ILDR1: variants seen among roughly 807,000 people sequenced by gnomAD.
The protein encoded by ILDR1 is immunoglobulin like domain containing receptor 1, also known as immunoglobulin-like domain-containing receptor 1.
Under a neutral mutation model 62.4 loss-of-function variants are expected in ILDR1, and 56 were observed. The ratio of observed to expected loss-of-function variants is 0.90; its 90% CI spans 0.72 to 1.12. The LOEUF (loss-of-function observed/expected upper bound fraction) is 1.12, where lower values mean the gene tolerates loss of function less well. Ranked by LOEUF, ILDR1 falls within the 50% of genes most tolerant of loss-of-function variation. ILDR1 has a pLI of 0.00. For synonymous variants in ILDR1, 284 were observed against 277.8 expected (o/e 1.02, Z -0.22); for missense variants, 736 against 710.6 (o/e 1.04, Z -0.41).
intron 7 of ILDR1, among the ~76,000 whole-genome samples, chr3:121,991,560 G>A (rs1187778841): frequency 6.6e-6 from 1 of 152,244 alleles, no homozygotes; most frequent in Non-Finnish European, 1.5e-5. Context: ...GGGTTGTTGT[G>A]AGGATTAAGT....
rs1011887969 is a variant in ILDR1, at chr3:121,994,414, C to T, written c.647-101G>A. The T allele has an allele frequency of 8.9e-6, 12 of 1,342,968 alleles. No homozygotes were observed. In the Admixed American group the frequency reaches 2.2e-4, roughly 24 times the overall value. 83.2% of individuals were successfully genotyped at this position (1,342,968 alleles called of 1,614,324 possible). On this transcript the variant is annotated intron_variant, in intron 5 of 7. Transcript: ENST00000344209. ...TAGGGGCCTTGCAAGAGGCCAGCTT[C>T]TCTTGTCCATTCTCACCTATTTTGC...
chr3:122,036,255 C>A, the ILDR1 span, among the ~76,000 whole-genome samples: 1 of 152,094 alleles, frequency 6.6e-6, no homozygotes, highest in Non-Finnish European at 1.5e-5. Flanking sequence ...CATTCATATG[C>A]ATGAATAAAG....
chr3:122,005,202 T>TACCCCCCC, intron 3 of ILDR1, 42 bp downstream of exon 3: 5 of 1,216,406 alleles, frequency 4.1e-6, no homozygotes, highest in Non-Finnish European at 3.6e-6. Flanking sequence ...TGTCTGCACC[T>TACCCCCCC]CCCCCCACCC....
intron 3 of ILDR1, among the ~76,000 whole-genome samples, chr3:122,004,225 C>T (rs1001712297): frequency 3.3e-5 from 5 of 152,188 alleles, no homozygotes; most frequent in African/African-American, 1.2e-4. Flanking sequence ...TTATTTAACA[C>T]AGCACATAAA....
At chr3:121,998,790 G>A (rs1346377386) in intron 5 of ILDR1, among the ~76,000 whole-genome samples, 3 of 152,114 alleles carry the variant, frequency 2.0e-5, no homozygotes, top group Non-Finnish European at 4.4e-5. Context: ...GTCCAATGCT[G>A]CATCCTCCAC....
At chr3:122,000,854 GA>G (rs2071512419) in intron 5 of ILDR1, among the ~76,000 whole-genome samples, 1 of 152,174 alleles carries the variant, frequency 6.6e-6, no homozygotes, top group African/African-American at 2.4e-5. Context: ...TTTGTGTGGG[GA>G]AAACACACAC....
the ILDR1 span, among the ~76,000 whole-genome samples, chr3:122,028,770 G>A: frequency 6.6e-6 from 1 of 152,196 alleles, no homozygotes; most frequent in Non-Finnish European, 1.5e-5. Flanking sequence ...GAAAGTCTGA[G>A]CTAGCTAAGT....
chr3:122,054,691 C>G, the ILDR1 span, among the ~76,000 whole-genome samples: 1 of 152,054 alleles, frequency 6.6e-6, no homozygotes, highest in Non-Finnish European at 1.5e-5. Flanking sequence ...GTTTGAGTTT[C>G]TAGATGATGC....
chr3:122,046,732 T>G, the ILDR1 span, among the ~76,000 whole-genome samples: 3 of 136,394 alleles, frequency 2.2e-5, no homozygotes, highest in Non-Finnish European at 3.2e-5. Flanking sequence ...GCTTCTGCAT[T>G]CTTCACTTAG....
At chr3:122,056,612 G>A in the ILDR1 span, among the ~76,000 whole-genome samples, 11 of 152,160 alleles carry the variant, frequency 7.2e-5, no homozygotes, top group South Asian at 4.1e-4. Context: ...GATTACAGGC[G>A]TGAGCCACCG....
At chr3:121,992,782 G>A (rs1430679080) in intron 7 of ILDR1, among the ~76,000 whole-genome samples, 1 of 152,198 alleles carries the variant, frequency 6.6e-6, no homozygotes, top group East Asian at 1.9e-4. Flanking sequence ...TGTGAAGGAA[G>A]GTGAGGCTCT....
the ILDR1 span, among the ~76,000 whole-genome samples, chr3:122,052,462 T>C: frequency 2.6e-5 from 4 of 152,218 alleles, no homozygotes; most frequent in African/African-American, 9.6e-5. Context: ...TTTTTTGTTC[T>C]CAGTGTCCCC....
intron 1 of ILDR1, among the ~76,000 whole-genome samples, chr3:122,011,979 T>G (rs1193254761): frequency 5.9e-5 from 9 of 152,038 alleles, no homozygotes; most frequent in Non-Finnish European, 1.2e-4. Context: ...AAATCCCAAT[T>G]TTTCCCAAGC....
upstream of ILDR1, among the ~76,000 whole-genome samples, chr3:122,024,987 C>A (rs1053461055): frequency 4.6e-5 from 7 of 152,182 alleles, no homozygotes; most frequent in Non-Finnish European, 7.3e-5. Context: ...TCTCTTGGGC[C>A]AGTCATTCTT....
the ILDR1 span, among the ~76,000 whole-genome samples, chr3:122,047,123 G>T: frequency 6.8e-6 from 1 of 147,462 alleles, no homozygotes; most frequent in Non-Finnish European, 1.5e-5. Flanking sequence ...CTGTTTGTTA[G>T]TTTTCCTTCT....
In ILDR1 at chr3:121,993,337, G is replaced by A; in HGVS notation, c.1412C>T (p.Pro471Leu). The A allele has an allele frequency of 6.2e-7, 1 of 1,610,732 alleles. No individual in the cohort carries two copies. Among genetic ancestry groups the A allele is most frequent in the East Asian group, 2.2e-5 (1 of 44,784 alleles). Residue 471 changes from proline (P) to leucine (L), a missense_variant, in exon 7 of 8, where the codon CCC (proline) becomes CTC (leucine). Pro to Leu is a moderately conservative substitution (Grantham distance 98). Coordinates refer to ENST00000344209, the MANE Select transcript of ILDR1 (RefSeq NM_001199799.2). ...RRRRHRSYSP[P>L]LPSGLSSWSS... ...CCAGGAACTGAGGCCGGAGGGCAAG[G>A]GAGGAGAGTAGCTGCGGTGCCTGCG... is the stretch of plus-strand genomic sequence containing the variant.
At chr3:122,006,307 G>A (rs1241685200) in intron 2 of ILDR1, among the ~76,000 whole-genome samples, 1 of 152,198 alleles carries the variant, frequency 6.6e-6, no homozygotes, top group African/African-American at 2.4e-5. Flanking sequence ...GGTGCTAACA[G>A]TGGGGTGGTT....
the ILDR1 span, among the ~76,000 whole-genome samples, chr3:122,054,351 C>G: frequency 1.3e-5 from 2 of 151,574 alleles, no homozygotes; most frequent in African/African-American, 4.8e-5. Flanking sequence ...TGGAATATAT[C>G]CTTAAATAAT....
chr3:122,037,938 G>C, the ILDR1 span, among the ~76,000 whole-genome samples: 2 of 151,026 alleles, frequency 1.3e-5, no homozygotes, highest in African/African-American at 2.5e-5. Context: ...CTCTCTCTCT[G>C]TCTCTCTGTC....
Sources: gnomAD v4.1 joint callset for allele counts (sites outside exome capture counted in the v4.1 genomes callset) on GRCh38, gnomAD v4.1.1 for gene constraint, MANE v1.5 for transcripts, NCBI Gene and HGNC (gene_info 2026-07-23, HGNC 2026-07-21) for gene names.